The following CDK15 variants were observed in gnomAD, a reference collection of about 807,000 sequenced individuals.
CDK15 encodes cyclin dependent kinase 15.
Under a neutral mutation model 60.3 loss-of-function variants are expected in CDK15, and 62 were observed. The ratio of observed to expected loss-of-function variants is 1.03; its 90% CI spans 0.84 to 1.27. The LOEUF is 1.27. Among genes scored for constraint, CDK15 ranks in the 50% most tolerant of loss-of-function variants. The pLI is 0.00. For synonymous variants in CDK15, 194 were observed against 195.7 expected, an observed-to-expected ratio of 0.99 and a Z score of 0.07; for missense variants, 541 against 527.8, an observed-to-expected ratio of 1.03 and a Z score of -0.25.
intron 3 of CDK15, chr2:201,808,560 A>G (rs974477202): frequency 4.7e-5 from 7 of 150,332 alleles, no homozygotes; most frequent in African/African-American, 1.5e-4. Flanking sequence ...TATGTAAAAG[A>G]TCCATGAATT....
intron 9 of CDK15, among the ~76,000 whole-genome samples, chr2:201,852,540 A>G (rs1697957909): frequency 6.6e-6 from 1 of 152,248 alleles, no homozygotes; most frequent in South Asian, 2.1e-4. Flanking sequence ...ATTTAGTTCT[A>G]AAATCAGAAT....
intron 10 of CDK15, among the ~76,000 whole-genome samples, chr2:201,859,625 G>A (rs1445652284): frequency 1.3e-5 from 2 of 152,182 alleles, no homozygotes; most frequent in Non-Finnish European, 2.9e-5. Flanking sequence ...AGGGAGCCCA[G>A]CGGGGAGCCC....
At chr2:201,861,596 T>G in intron 10 of CDK15, 1 of 907,496 alleles carries the variant, frequency 1.1e-6, no homozygotes. Flanking sequence ...AAGTCTCACT[T>G]GTCACCCAGG....
intron 3 of CDK15, among the ~76,000 whole-genome samples, chr2:201,810,965 C>T (rs1488601649): frequency 6.6e-6 from 1 of 151,114 alleles, no homozygotes; most frequent in East Asian, 1.9e-4. Context: ...CTCTCAGCCT[C>T]CTGAGTAGCT....
At chr2:201,814,512 T>G (rs928511813) in intron 4 of CDK15, among the ~76,000 whole-genome samples, 3 of 152,260 alleles carry the variant, frequency 2.0e-5, no homozygotes, top group African/African-American at 4.8e-5. Flanking sequence ...CTCAAGAAGA[T>G]ATGAGGCTTT....
intron 12 of CDK15, 41 bp downstream of exon 12, chr2:201,880,208 G>T (rs372828465): frequency 6.2e-7 from 1 of 1,606,196 alleles, no homozygotes; most frequent in Non-Finnish European, 8.5e-7. Context: ...GTGCATGTGC[G>T]TGAGTGCGTG....
rs746122277 is a variant in CDK15 at position 201,824,870 on chromosome 2, C to G, written c.606+1143C>G. On this transcript the variant is annotated intron_variant, in intron 6 of 13. Transcript: ENST00000652192. Reference sequence around the variant, plus strand: ...AAAACCACAGGCCCTTCCCCTTCCCCCATACTTGATGTAAGCAGTCTTCAT... The same window carrying G: ...AAAACCACAGGCCCTTCCCCTTCCCGCATACTTGATGTAAGCAGTCTTCAT... 81 of 604,194 alleles carry G rather than the reference C, an allele frequency of 1.3e-4. 4 individuals are homozygous for G. Among genetic ancestry groups the G allele is most frequent in the Non-Finnish European group, 1.8e-4 (79 of 443,914 alleles). 37.4% of individuals were successfully genotyped at this position (604,194 alleles called of 1,614,324 possible).
At chr2:201,851,389 A>C (rs1697901604) in intron 9 of CDK15, among the ~76,000 whole-genome samples, 1 of 151,176 alleles carries the variant, frequency 6.6e-6, no homozygotes, top group Non-Finnish European at 1.5e-5. Flanking sequence ...GCTGTTGTCC[A>C]GTGAGAGATT....
At chr2:201,808,292 C>T (rs1695606135) in intron 3 of CDK15, among the ~76,000 whole-genome samples, 1 of 152,192 alleles carries the variant, frequency 6.6e-6, no homozygotes, top group Admixed American at 6.6e-5. Context: ...TAAAGCGTCT[C>T]TAACAGGTTT....
chr2:201,859,217 T>A (rs1268420995), intron 10 of CDK15, among the ~76,000 whole-genome samples: 1 of 152,190 alleles, frequency 6.6e-6, no homozygotes, highest in Admixed American at 6.5e-5. Flanking sequence ...CCCCAATGGA[T>A]GCCGTAGCTA....
At chr2:201,821,917 G>A (rs1696238105) in intron 4 of CDK15, among the ~76,000 whole-genome samples, 1 of 152,068 alleles carries the variant, frequency 6.6e-6, no homozygotes, top group Non-Finnish European at 1.5e-5. Context: ...CTGACCTCAG[G>A]TGATCCACCC....
At chr2:201,860,900 T>C (rs746947445) in intron 10 of CDK15, 38 of 1,347,034 alleles carry the variant, frequency 2.8e-5, no homozygotes, top group Non-Finnish European at 3.7e-5. Context: ...ATTAAAATGA[T>C]CCTTGTCCCC....
At chr2:201,873,815 G>A (rs1698956667) in intron 11 of CDK15, among the ~76,000 whole-genome samples, 1 of 152,232 alleles carries the variant, frequency 6.6e-6, no homozygotes, top group Admixed American at 6.5e-5. Flanking sequence ...CATTTTGGGA[G>A]GACGAGGTGG....
At chr2:201,876,902 A>G (rs1456377165) in intron 11 of CDK15, among the ~76,000 whole-genome samples, 1 of 152,024 alleles carries the variant, frequency 6.6e-6, no homozygotes, top group Non-Finnish European at 1.5e-5. Flanking sequence ...GGCTCAGGTG[A>G]TTCTCCCGCC....
intron 12 of CDK15, among the ~76,000 whole-genome samples, chr2:201,883,440 A>G (rs1380187442): frequency 6.6e-6 from 1 of 152,216 alleles, no homozygotes; most frequent in African/African-American, 2.4e-5. Flanking sequence ...AGTCCCGAAC[A>G]ATGCTTTCCC....
intron 4 of CDK15, among the ~76,000 whole-genome samples, chr2:201,813,069 C>G (rs184000636): frequency 6.6e-6 from 1 of 152,312 alleles, no homozygotes; most frequent in African/African-American, 2.4e-5. Context: ...GTTTGCAGCA[C>G]AGGTCCACCA....
chr2:201,860,734 C>A, intron 10 of CDK15: 1 of 1,352,134 alleles, frequency 7.4e-7, no homozygotes, highest in Non-Finnish European at 9.8e-7. Flanking sequence ...CAACTTCTGA[C>A]CACCAGGTGG....
chr2:201,807,102 G>A (rs867314506), intron 1 of CDK15, among the ~76,000 whole-genome samples: 6 of 152,044 alleles, frequency 3.9e-5, no homozygotes, highest in African/African-American at 1.4e-4. Context: ...TGCAGTATTA[G>A]TTGGTATGCT....
intron 8 of CDK15, among the ~76,000 whole-genome samples, chr2:201,838,415 T>C (rs114078433): frequency 0.024 from 3,683 of 152,136 alleles, 141 homozygotes; most frequent in African/African-American, 0.084. Flanking sequence ...AGAAGCTTAA[T>C]TTACTTTTAG....
Sources: gnomAD v4.1 joint callset for allele counts (sites outside exome capture counted in the v4.1 genomes callset) on GRCh38, gnomAD v4.1.1 for gene constraint, MANE v1.5 for transcripts, NCBI Gene and HGNC (gene_info 2026-07-23, HGNC 2026-07-21) for gene names.